The following FHIT variants were observed in gnomAD, a reference collection of about 807,000 sequenced individuals.
FHIT encodes bis(5'-adenosyl)-triphosphatase.
FHIT carries 19 observed loss-of-function variants against 17.9 expected under a neutral mutation model. The ratio of observed to expected loss-of-function variants is 1.06; its 90% CI spans 0.74 to 1.56. The LOEUF (loss-of-function observed/expected upper bound fraction) is 1.56. Among genes scored for constraint, FHIT ranks in the 40% most tolerant of loss-of-function variants. The probability of loss-of-function intolerance (pLI) is 0.00; values close to 1 mark genes in which losing one functional copy is unlikely to be tolerated. For synonymous variants in FHIT, 81 were observed against 69.7 expected, an observed-to-expected ratio of 1.16 and a Z score of -0.81; for missense variants, 248 against 189.2, an observed-to-expected ratio of 1.31 and a Z score of -1.82.
intron 4 of FHIT, among the ~76,000 whole-genome samples, chr3:60,640,246 T>A (rs2039692315): frequency 6.6e-6 from 1 of 152,178 alleles, no homozygotes; most frequent in South Asian, 2.1e-4. Flanking sequence ...GCTCAATGAA[T>A]GAATTTTACA....
intron 5 of FHIT, among the ~76,000 whole-genome samples, chr3:60,036,641 T>C (rs972977416): frequency 3.9e-5 from 6 of 152,174 alleles, no homozygotes; most frequent in Admixed American, 2.6e-4. Context: ...AACCAACAAA[T>C]GTTTTCATTT....
chr3:60,918,726 C>T (rs1268652341), intron 3 of FHIT, among the ~76,000 whole-genome samples: 2 of 152,188 alleles, frequency 1.3e-5, no homozygotes, highest in Non-Finnish European at 2.9e-5. Context: ...CTTGGTGTTA[C>T]ATGGTCCACT....
intron 4 of FHIT, among the ~76,000 whole-genome samples, chr3:60,550,181 C>T (rs371511232): frequency 3.9e-5 from 6 of 152,254 alleles, no homozygotes; most frequent in East Asian, 1.9e-4. Context: ...GATCTGGCCC[C>T]GCTCTGAAAC....
intron 3 of FHIT, among the ~76,000 whole-genome samples, chr3:61,028,437 C>T (rs2032847188): frequency 1.3e-5 from 2 of 152,124 alleles, no homozygotes; most frequent in South Asian, 4.1e-4. Context: ...CACTTCAGGT[C>T]CTGGTTAATG....
chr3:60,293,803 A>G (rs563208926), intron 5 of FHIT, among the ~76,000 whole-genome samples: 5 of 152,278 alleles, frequency 3.3e-5, no homozygotes, highest in African/African-American at 1.2e-4. Context: ...AAAAGTTTAG[A>G]AATTGGGCTT....
intron 8 of FHIT, among the ~76,000 whole-genome samples, chr3:59,790,504 CTTTCTCTCTCTCTCTCTCTCTCTCTG>C (rs1210989691): frequency 7.1e-6 from 1 of 141,348 alleles, no homozygotes; most frequent in Admixed American, 7.0e-5. Context: ...CTCTCTCTCT[CTTTCTCTCTCTCTCTCTCTCTCTCTG>C]TGTGTGTGTG....
intron 3 of FHIT, among the ~76,000 whole-genome samples, chr3:60,994,480 A>T (rs951176848): frequency 6.6e-6 from 1 of 152,240 alleles, no homozygotes. Context: ...TGAGACTGAA[A>T]ATGGACTTTG....
intron 5 of FHIT, among the ~76,000 whole-genome samples, chr3:60,245,354 C>T (rs1705338570): frequency 6.6e-6 from 1 of 152,024 alleles, no homozygotes; most frequent in South Asian, 2.1e-4. Context: ...AGCATAAGCT[C>T]AACTTATAAG....
intron 3 of FHIT, among the ~76,000 whole-genome samples, chr3:60,891,485 G>A (rs1246659295): frequency 6.6e-6 from 1 of 152,164 alleles, no homozygotes; most frequent in Non-Finnish European, 1.5e-5. Flanking sequence ...AGAATGGAAT[G>A]GGTATATATA....
chr3:61,166,189 C>T (rs2037832697), intron 2 of FHIT, among the ~76,000 whole-genome samples: 1 of 152,204 alleles, frequency 6.6e-6, no homozygotes, highest in Admixed American at 6.5e-5. Flanking sequence ...AGAGGTTACA[C>T]AAGCACTTAG....
In FHIT at chr3:60,575,198, T is replaced by C. The variant is rs1468895465; in HGVS notation, c.-17-38219A>G. ...CGACTGTTGGACTTGGCTGAGTAGG[T>C]TGATAGCAAGCTAGTAAGAAACATG... On this transcript the variant is annotated intron_variant, in intron 4 of 9. Coordinates refer to ENST00000492590, the MANE Select transcript of FHIT (RefSeq NM_002012.4). Among the ~76,000 whole-genome samples the C allele has an allele frequency of 2.0e-5, 3 of 151,910 alleles. No homozygotes were observed. The East Asian group carries it at 5.8e-4, about 29-fold the overall frequency.
At chr3:60,422,246 T>C (rs1702503813) in intron 5 of FHIT, among the ~76,000 whole-genome samples, 1 of 152,072 alleles carries the variant, frequency 6.6e-6, no homozygotes, top group East Asian at 1.9e-4. Flanking sequence ...ATTCCAAAGA[T>C]TTGCACACAG....
chr3:61,174,957 C>T (rs534816317), intron 2 of FHIT, among the ~76,000 whole-genome samples: 2 of 152,172 alleles, frequency 1.3e-5, no homozygotes, highest in African/African-American at 2.4e-5. Context: ...GCAATGATCT[C>T]GAGGAAACCA....
At chr3:59,771,953 A>ATGAG (rs1473909376) in intron 8 of FHIT, among the ~76,000 whole-genome samples, 1 of 152,320 alleles carries the variant, frequency 6.6e-6, no homozygotes, top group African/African-American at 2.4e-5. Flanking sequence ...TCAGGGATCC[A>ATGAG]TGAGTCACAG....
At chr3:60,149,078 C>G (rs1040103493) in intron 5 of FHIT, among the ~76,000 whole-genome samples, 5 of 152,186 alleles carry the variant, frequency 3.3e-5, no homozygotes, top group Admixed American at 6.5e-5. Context: ...GACACTATAA[C>G]CCTTCTCGAA....
intron 3 of FHIT, among the ~76,000 whole-genome samples, chr3:60,916,194 T>C (rs1380258559): frequency 1.3e-5 from 2 of 152,226 alleles, no homozygotes; most frequent in Non-Finnish European, 2.9e-5. Context: ...AATCATTTGT[T>C]GTTAAATGCA....
At chr3:60,488,852 G>A (rs1475789682) in intron 5 of FHIT, among the ~76,000 whole-genome samples, 3 of 152,062 alleles carry the variant, frequency 2.0e-5, no homozygotes, top group Non-Finnish European at 4.4e-5. Context: ...ATAAAAACTT[G>A]GTGTTAAGTT....
intron 5 of FHIT, among the ~76,000 whole-genome samples, chr3:60,341,434 C>A (rs1373447982): frequency 6.6e-6 from 1 of 152,146 alleles, no homozygotes. Flanking sequence ...CCTGGAGAAC[C>A]AGGCCCACGT....
chr3:60,652,660 G>A (rs546849360), intron 4 of FHIT, among the ~76,000 whole-genome samples: 160 of 150,608 alleles, frequency 1.1e-3, no homozygotes, highest in African/African-American at 3.5e-3. Context: ...ACCCGGGAGC[G>A]GAGCTTGCAG....
Sources: allele counts gnomAD v4.1 joint callset (sites outside exome capture counted in the v4.1 genomes callset), GRCh38; gene constraint gnomAD v4.1.1; transcripts MANE v1.5; gene names NCBI Gene and HGNC (gene_info 2026-07-23, HGNC 2026-07-21).